The following MCUB variants were observed in gnomAD, a reference collection of about 807,000 sequenced individuals.
MCUB encodes the protein mitochondrial calcium uniporter dominant negative subunit beta.
A neutral mutation model predicts 41.4 loss-of-function variants in MCUB; 46 were observed. That is an observed-to-expected ratio of 1.11 (90% CI 0.88 to 1.42). The LOEUF (loss-of-function observed/expected upper bound fraction) is 1.42, where lower values mean the gene tolerates loss of function less well. Ranked by LOEUF, MCUB falls within the 40% of genes most tolerant of loss-of-function variation. The pLI, the probability that MCUB is intolerant of heterozygous loss-of-function variation, is 0.00. For missense variants in MCUB, 403 were observed against 404.9 expected, an observed-to-expected ratio of 1.00 and a Z score of 0.04; for synonymous variants, 148 against 148.2, an observed-to-expected ratio of 1.00 and a Z score of 0.01.
intron 3 of MCUB, among the ~76,000 whole-genome samples, chr4:109,661,929 A>AG (rs2126145009): frequency 6.6e-6 from 1 of 152,306 alleles, no homozygotes; most frequent in South Asian, 2.1e-4. Flanking sequence ...GCTACTCAGG[A>AG]GGCTGAAGCA....
Position 109,646,430 on chromosome 4 carries a change from T to G in MCUB, c.100-12581T>G, listed in dbSNP as rs372161451. On this transcript the variant is annotated intron_variant, in intron 1 of 7. Coordinates refer to ENST00000394650, the MANE Select transcript of MCUB (RefSeq NM_017918.5). ...ATACTTTTATTTGCTTCTCTCCATT[T>G]TTATTGTTAGTGCTCTGGGCCGGGT... 6.6e-5 allele frequency among the ~76,000 whole-genome samples: 10 copies of G among 152,292 alleles called. No individual in the cohort carries two copies. In the East Asian group the frequency reaches 1.5e-3, roughly 23 times the overall value.
intron 1 of MCUB, among the ~76,000 whole-genome samples, chr4:109,588,786 C>T (rs1474951151): frequency 6.6e-6 from 1 of 152,136 alleles, no homozygotes; most frequent in African/African-American, 2.4e-5. Flanking sequence ...TTATGCTTCA[C>T]TCTGATAGCT....
intron 1 of MCUB, among the ~76,000 whole-genome samples, chr4:109,566,486 AT>A (rs1470960134): frequency 4.6e-5 from 7 of 151,830 alleles, no homozygotes; most frequent in African/African-American, 1.5e-4. Context: ...AAAAAAATAA[AT>A]AAATAAATAA....
chr4:109,637,745 C>T (rs532362279), intron 1 of MCUB, among the ~76,000 whole-genome samples: 7 of 152,112 alleles, frequency 4.6e-5, no homozygotes, highest in South Asian at 2.1e-4. Flanking sequence ...TTTGGGGACT[C>T]GGGAAAATGG....
chr4:109,637,622 A>G (rs1728623347), intron 1 of MCUB, among the ~76,000 whole-genome samples: 1 of 152,234 alleles, frequency 6.6e-6, no homozygotes, highest in South Asian at 2.1e-4. Flanking sequence ...GGAATTGTAG[A>G]CTAATACTCT....
rs1029451 is a variant in MCUB, at chr4:109,649,810, A to C, written c.100-9201A>C. The stretch of plus-strand genomic sequence containing the variant: ...GCTAGTCTTGAACCCCTGGGCTCAA[A>C]TAATCTTCCTGCCTCAGCCTCCCAA... On this transcript the variant is annotated intron_variant, in intron 1 of 7. Transcript: ENST00000394650. 1.4e-4 allele frequency among the ~76,000 whole-genome samples: 22 copies of C among 151,894 alleles called. 1 individual carries two copies. In the South Asian group the frequency reaches 4.6e-3, roughly 32 times the overall value.
intron 1 of MCUB, among the ~76,000 whole-genome samples, chr4:109,562,512 G>A (rs538997207): frequency 2.4e-4 from 36 of 152,252 alleles, no homozygotes; most frequent in African/African-American, 7.9e-4. Flanking sequence ...CCTGGCTATC[G>A]GGACATTTTT....
At chr4:109,607,795 C>T (rs1727912908) in intron 1 of MCUB, among the ~76,000 whole-genome samples, 1 of 152,138 alleles carries the variant, frequency 6.6e-6, no homozygotes, top group African/African-American at 2.4e-5. Flanking sequence ...TGTTTCTTTT[C>T]TCTTGCTGCT....
At chr4:109,679,787 T>TTTGTTGTTGTTGTTGTTGTTGTTG (rs377253519) in intron 4 of MCUB, among the ~76,000 whole-genome samples, 6 of 151,564 alleles carry the variant, frequency 4.0e-5, no homozygotes, top group African/African-American at 1.2e-4. Context: ...GAGGTATAAT[T>TTTGTTGTTGTTGTTGTTGTTGTTG]TTGTTGTTGT....
chr4:109,571,303 C>CTTTATTTA (rs34814494), intron 1 of MCUB, among the ~76,000 whole-genome samples: 7 of 151,132 alleles, frequency 4.6e-5, no homozygotes, highest in Non-Finnish European at 8.8e-5. Flanking sequence ...AATGATTAAA[C>CTTTATTTA]TTTATTTATT....
chr4:109,614,515 G>A (rs1728085249), intron 1 of MCUB, among the ~76,000 whole-genome samples: 1 of 151,594 alleles, frequency 6.6e-6, no homozygotes, highest in East Asian at 1.9e-4. Flanking sequence ...TTGCCAACTC[G>A]GAAGATGACC....
intron 4 of MCUB, among the ~76,000 whole-genome samples, chr4:109,665,958 AAAAG>A (rs869117428): frequency 2.2e-4 from 34 of 152,114 alleles, no homozygotes; most frequent in African/African-American, 7.5e-4. Context: ...TGGGAGGAAA[AAAAG>A]AAAGGCAAGA....
At chr4:109,616,095 T>C (rs36121800) in intron 1 of MCUB, among the ~76,000 whole-genome samples, 2,709 of 152,360 alleles carry the variant, frequency 0.018, 67 homozygotes, top group Non-Finnish European at 0.022. Context: ...TGATGAGTGA[T>C]AGATCCATAG....
At chr4:109,632,877 A>T (rs1290447962) in intron 1 of MCUB, among the ~76,000 whole-genome samples, 2 of 152,066 alleles carry the variant, frequency 1.3e-5, no homozygotes, top group Non-Finnish European at 2.9e-5. Flanking sequence ...GGCCTCCCAA[A>T]GTGCTGGGAT....
intron 1 of MCUB, among the ~76,000 whole-genome samples, chr4:109,612,826 G>C (rs1441335418): frequency 6.6e-6 from 1 of 152,126 alleles, no homozygotes; most frequent in Non-Finnish European, 1.5e-5. Context: ...CAGGAATTAG[G>C]CCGGGTGCGG....
At chr4:109,649,516 A>G (rs1196982728) in intron 1 of MCUB, among the ~76,000 whole-genome samples, 3 of 152,206 alleles carry the variant, frequency 2.0e-5, no homozygotes, top group South Asian at 4.1e-4. Flanking sequence ...TTATCTGACT[A>G]TAGAATTCAA....
intron 1 of MCUB, among the ~76,000 whole-genome samples, chr4:109,584,332 TTC>T (rs1234095453): frequency 6.6e-6 from 1 of 152,210 alleles, no homozygotes; most frequent in Non-Finnish European, 1.5e-5. Context: ...TACTTGATTC[TTC>T]TCTCTCTTCT....
At chr4:109,594,071 G>C (rs1365084302) in intron 1 of MCUB, among the ~76,000 whole-genome samples, 4 of 152,178 alleles carry the variant, frequency 2.6e-5, no homozygotes, top group Non-Finnish European at 5.9e-5. Context: ...AAAAGCCTGT[G>C]GGAAGAGGTA....
chr4:109,637,800 A>T (rs981068095), intron 1 of MCUB, among the ~76,000 whole-genome samples: 3 of 152,214 alleles, frequency 2.0e-5, no homozygotes, highest in Admixed American at 1.3e-4. Flanking sequence ...GTACAGTGCT[A>T]CTTGGGTAAT....
Sources: allele counts gnomAD v4.1 joint callset (sites outside exome capture counted in the v4.1 genomes callset), GRCh38; gene constraint gnomAD v4.1.1; transcripts MANE v1.5; gene names NCBI Gene and HGNC (gene_info 2026-07-23, HGNC 2026-07-21).